The following MAGI3 variants were observed in gnomAD, a reference collection of about 807,000 sequenced individuals.
MAGI3 encodes membrane associated guanylate kinase, WW and PDZ domain containing 3.
MAGI3 carries 43 observed loss-of-function variants against 121.8 expected under a neutral mutation model. The observed-to-expected ratio is 0.35, with a 90% confidence interval of 0.28 to 0.46. MAGI3 has a LOEUF of 0.46. Among genes scored for constraint, MAGI3 ranks in the 20% least tolerant of loss-of-function variants. The probability of loss-of-function intolerance (pLI) is 1.00; values close to 1 mark genes in which losing one functional copy is unlikely to be tolerated. For missense variants in MAGI3, 1,547 were observed against 1,797.3 expected, an observed-to-expected ratio of 0.86 and a Z score of 2.52; for synonymous variants, 553 against 639.3, an observed-to-expected ratio of 0.86 and a Z score of 2.04.
At chr1:113,603,937 A>G (rs1649572125) in intron 6 of MAGI3, among the ~76,000 whole-genome samples, 1 of 152,208 alleles carries the variant, frequency 6.6e-6, no homozygotes, top group African/African-American at 2.4e-5. Flanking sequence ...TAAAACCACA[A>G]TGAGATACCA....
intron 1 of MAGI3, among the ~76,000 whole-genome samples, chr1:113,446,812 A>G (rs913763295): frequency 3.3e-5 from 5 of 152,252 alleles, no homozygotes; most frequent in African/African-American, 1.2e-4. Flanking sequence ...AAATGGTTCA[A>G]TACAGCAAGA....
chr1:113,642,094 A>G lies in MAGI3; in HGVS notation c.1544A>G (p.Asn515Ser), dbSNP rs142925500. 6.2e-5 allele frequency: 100 copies of G among 1,614,026 alleles called. No individual in the cohort carries two copies. The highest frequency in any genetic ancestry group is 8.1e-5 in the Non-Finnish European group (95 of 1,180,024). ...VDIVAATPVI[N>S]GQSLTKGETC... ...ATTGTTGCTGCTACCCCTGTCATCA[A>G]TGGACAGTCATTAACCAAGGGAGAG... The change falls in exon 10 of 21, where the codon AAT becomes AGT. Residue 515 changes from asparagine to serine, a missense_variant. Physicochemically the swap from Asn to Ser is conservative, Grantham distance 46. Coordinates refer to ENST00000307546, the MANE Select transcript of MAGI3 (RefSeq NM_001142782.2).
intron 15 of MAGI3, among the ~76,000 whole-genome samples, chr1:113,656,806 G>A (rs1389478287): frequency 6.6e-6 from 1 of 152,116 alleles, no homozygotes; most frequent in African/African-American, 2.4e-5. Context: ...TACCAGTTAT[G>A]GAATTCTGAG....
At chr1:113,655,975 T>G (rs972191338) in intron 15 of MAGI3, among the ~76,000 whole-genome samples, 2 of 152,236 alleles carry the variant, frequency 1.3e-5, no homozygotes, top group African/African-American at 4.8e-5. Flanking sequence ...TTTTAAAAGT[T>G]CATCAATACT....
intron 1 of MAGI3, among the ~76,000 whole-genome samples, chr1:113,485,406 T>G (rs958847879): frequency 2.9e-4 from 44 of 152,344 alleles, no homozygotes; most frequent in South Asian, 1.9e-3. Context: ...TCCCTGATGC[T>G]TAGTGATGTT....
chr1:113,549,512 C>T lies in MAGI3; in HGVS notation c.317-3C>T, dbSNP rs1317611099. The T allele has an allele frequency of 6.6e-7, 1 of 1,513,042 alleles. No individual in the cohort carries two copies. The highest frequency in any genetic ancestry group is 2.3e-5 in the East Asian group (1 of 44,034). 93.7% of individuals were successfully genotyped at this position (1,513,042 alleles called of 1,614,324 possible). On this transcript the variant is annotated splice_polypyrimidine_tract_variant and splice_region_variant and intron_variant, in intron 1 of 20. Coordinates refer to ENST00000307546, the MANE Select transcript of MAGI3 (RefSeq NM_001142782.2). ...CTGTTTTTTTTTTTTGTCTTTGCTCCAGGCAAAGTCATTAATAAAGATTTG... is the reference window on the plus strand; with the variant it reads ...CTGTTTTTTTTTTTTGTCTTTGCTCTAGGCAAAGTCATTAATAAAGATTTG...
At chr1:113,639,422 A>G (rs1652300402) in intron 9 of MAGI3, among the ~76,000 whole-genome samples, 1 of 152,130 alleles carries the variant, frequency 6.6e-6, no homozygotes, top group Admixed American at 6.5e-5. Context: ...TTTGTTTGAG[A>G]CCAAATCTCA....
intron 1 of MAGI3, among the ~76,000 whole-genome samples, chr1:113,412,981 G>T (rs1426368091): frequency 6.6e-6 from 1 of 152,088 alleles, no homozygotes; most frequent in Non-Finnish European, 1.5e-5. Context: ...GTACTGCCTA[G>T]GTTTTCTTCT....
At chr1:113,566,367 G>A (rs200472197) in intron 2 of MAGI3, among the ~76,000 whole-genome samples, 1 of 151,934 alleles carries the variant, frequency 6.6e-6, no homozygotes, top group East Asian at 1.9e-4. Flanking sequence ...AATTAATTTT[G>A]GTATATTCAT....
At chr1:113,518,103 A>G (rs1293704685) in intron 1 of MAGI3, among the ~76,000 whole-genome samples, 1 of 152,022 alleles carries the variant, frequency 6.6e-6, no homozygotes, top group Non-Finnish European at 1.5e-5. Flanking sequence ...TGGTAATACA[A>G]ATAACACACC....
chr1:113,613,893 AG>A (rs759909555), intron 6 of MAGI3, among the ~76,000 whole-genome samples: 17 of 152,312 alleles, frequency 1.1e-4, no homozygotes, highest in Non-Finnish European at 2.2e-4. Flanking sequence ...CATGTTGAAA[AG>A]GCTAGAGATT....
At chr1:113,530,982 T>C (rs544729739) in intron 1 of MAGI3, among the ~76,000 whole-genome samples, 1 of 152,280 alleles carries the variant, frequency 6.6e-6, no homozygotes, top group Admixed American at 6.5e-5. Flanking sequence ...TTATTTGGAA[T>C]ATATTATTTA....
At chr1:113,592,880 C>T (rs535834504) in intron 5 of MAGI3, among the ~76,000 whole-genome samples, 96 of 152,082 alleles carry the variant, frequency 6.3e-4, no homozygotes, top group South Asian at 8.3e-4. Flanking sequence ...GGCACGGTGG[C>T]GGGCGCCTGT....
At chr1:113,590,686 T>G in intron 5 of MAGI3, 28 bp downstream of exon 5, 1 of 1,601,668 alleles carries the variant, frequency 6.2e-7, no homozygotes, top group Non-Finnish European at 8.5e-7. Flanking sequence ...TCTCTTCTAA[T>G]GTGCCCTAAC....
intron 20 of MAGI3, chr1:113,682,376 A>T (rs1232176164): frequency 6.7e-7 from 1 of 1,483,524 alleles, no homozygotes; most frequent in African/African-American, 1.4e-5. Context: ...TATTAAATAC[A>T]TCTATTTCTA....
chr1:113,456,631 T>A (rs1570702603), intron 1 of MAGI3, among the ~76,000 whole-genome samples: 1 of 152,178 alleles, frequency 6.6e-6, no homozygotes, highest in Non-Finnish European at 1.5e-5. Context: ...AGATTAAAAA[T>A]GAAAAACCAC....
chr1:113,474,660 A>G (rs192164106), intron 1 of MAGI3, among the ~76,000 whole-genome samples: 7 of 152,176 alleles, frequency 4.6e-5, no homozygotes, highest in African/African-American at 1.7e-4. Flanking sequence ...TGTTTTGGTT[A>G]AGTCAGGTAG....
At chr1:113,430,961 A>G (rs923422330) in intron 1 of MAGI3, among the ~76,000 whole-genome samples, 4 of 152,212 alleles carry the variant, frequency 2.6e-5, no homozygotes, top group African/African-American at 9.6e-5. Flanking sequence ...TGATTTAAAA[A>G]GGCATGACAA....
In MAGI3 at chr1:113,643,751, TCAC is replaced by T. The variant is rs779588874; in HGVS notation, c.1978_1980del (p.Pro660del). 26 of 1,613,900 alleles carry T rather than the reference TCAC, an allele frequency of 1.6e-5. No individual in the cohort carries two copies. The South Asian group carries it at 2.6e-4, about 16-fold the overall frequency. Reference sequence around the variant, plus strand: ...TTCATTTTTTTTTTAAGGTCCTCCTTCACCAACCAAAACTGCCAAAATGGTGAG... The same window carrying T: ...TTCATTTTTTTTTTAAGGTCCTCCTTCAACCAAAACTGCCAAAATGGTGAG... On this transcript the variant is annotated inframe_deletion, in exon 11 of 21. Coordinates refer to ENST00000307546, the MANE Select transcript of MAGI3 (RefSeq NM_001142782.2).
Sources: allele counts gnomAD v4.1 joint callset (sites outside exome capture counted in the v4.1 genomes callset), GRCh38; gene constraint gnomAD v4.1.1; transcripts MANE v1.5; gene names NCBI Gene and HGNC (gene_info 2026-07-23, HGNC 2026-07-21).